DOK5: variants seen among roughly 807,000 people sequenced by gnomAD.
DOK5 encodes the protein docking protein 5.
Under a neutral mutation model 43.3 loss-of-function variants are expected in DOK5, and 27 were observed. The ratio of observed to expected loss-of-function variants is 0.62; its 90% CI spans 0.46 to 0.86. The LOEUF is 0.86. Among genes scored for constraint, DOK5 ranks in the 40% least tolerant of loss-of-function variants. The pLI is 0.00. For missense variants in DOK5, 373 were observed against 392.9 expected (o/e 0.95, Z 0.43); for synonymous variants, 146 against 140.1 (o/e 1.04, Z -0.30).
intron 6 of DOK5, among the ~76,000 whole-genome samples, chr20:54,629,496 A>T (rs1363113168): frequency 6.6e-6 from 1 of 152,228 alleles, no homozygotes; most frequent in South Asian, 2.1e-4. Context: ...ACTTTACCAG[A>T]TTCCTTTGAA....
chr20:54,575,161 A>G (rs1318603041), intron 2 of DOK5, among the ~76,000 whole-genome samples: 2 of 152,226 alleles, frequency 1.3e-5, no homozygotes, highest in African/African-American at 2.4e-5. Context: ...ACATTCTGCA[A>G]GAAAACTAAC....
At chr20:54,533,268 T>C (rs1983842614) in intron 1 of DOK5, among the ~76,000 whole-genome samples, 1 of 152,172 alleles carries the variant, frequency 6.6e-6, no homozygotes, top group Admixed American at 6.5e-5. Flanking sequence ...ACCAAAAGCT[T>C]CTCCAGACAT....
At chr20:54,608,329 A>G (rs1205862544) in intron 5 of DOK5, among the ~76,000 whole-genome samples, 1 of 152,206 alleles carries the variant, frequency 6.6e-6, no homozygotes, top group African/African-American at 2.4e-5. Flanking sequence ...TAAAGAATTG[A>G]TTAAGATTAC....
chr20:54,502,701 C>T (rs557110552), intron 1 of DOK5, among the ~76,000 whole-genome samples: 2 of 152,256 alleles, frequency 1.3e-5, no homozygotes, highest in South Asian at 2.1e-4. Flanking sequence ...CCATTATTCT[C>T]TAACTACCTT....
intron 1 of DOK5, among the ~76,000 whole-genome samples, chr20:54,486,979 C>T (rs1002636801): frequency 6.6e-6 from 1 of 152,042 alleles, no homozygotes; most frequent in African/African-American, 2.4e-5. Flanking sequence ...TTCTATCTTC[C>T]TCTTGCTGTT....
intron 6 of DOK5, among the ~76,000 whole-genome samples, chr20:54,632,749 T>C (rs1003130566): frequency 2.0e-5 from 3 of 152,176 alleles, no homozygotes; most frequent in African/African-American, 7.2e-5. Flanking sequence ...TCCTAAATCA[T>C]TAAGATCAAA....
At chr20:54,562,931 A>G (rs192068679) in intron 2 of DOK5, among the ~76,000 whole-genome samples, 42 of 152,274 alleles carry the variant, frequency 2.8e-4, no homozygotes, top group Non-Finnish European at 2.9e-5. Flanking sequence ...TGGAACTAGG[A>G]TCTTTGTAAT....
chr20:54,593,417 A>T (rs915211455), intron 5 of DOK5, among the ~76,000 whole-genome samples: 1 of 152,216 alleles, frequency 6.6e-6, no homozygotes, highest in Non-Finnish European at 1.5e-5. Context: ...ATTTTTAAGT[A>T]CCTAGAAACA....
chr20:54,577,232 T>C (rs1985482119), intron 2 of DOK5, among the ~76,000 whole-genome samples: 1 of 152,234 alleles, frequency 6.6e-6, no homozygotes, highest in Non-Finnish European at 1.5e-5. Context: ...AAGGATGTTA[T>C]ATCATCCAGA....
At chr20:54,626,200 G>A (rs1431747737) in intron 6 of DOK5, among the ~76,000 whole-genome samples, 1 of 152,174 alleles carries the variant, frequency 6.6e-6, no homozygotes, top group East Asian at 1.9e-4. Flanking sequence ...TACATGGATG[G>A]GATGAGGGAA....
chr20:54,493,087 G>A (rs1035433358), intron 1 of DOK5, among the ~76,000 whole-genome samples: 4 of 144,094 alleles, frequency 2.8e-5, no homozygotes, highest in African/African-American at 1.0e-4. Flanking sequence ...AAAAAGGGAT[G>A]TGTTTGTCCC....
chr20:54,599,763 GA>G (rs1395929739), intron 5 of DOK5, among the ~76,000 whole-genome samples: 4 of 152,156 alleles, frequency 2.6e-5, no homozygotes, highest in African/African-American at 9.7e-5. Flanking sequence ...TGGTGTTTTG[GA>G]ATTCTAGAAA....
chr20:54,546,967 G>A (rs1055442139), intron 1 of DOK5, among the ~76,000 whole-genome samples: 26 of 152,042 alleles, frequency 1.7e-4, no homozygotes, highest in Admixed American at 5.9e-4. Flanking sequence ...GGGGAGATGT[G>A]GAATGTATAG....
At chr20:54,481,013 T>TATCATCTATCTATCTATC (rs772199599) in intron 1 of DOK5, among the ~76,000 whole-genome samples, 2 of 123,486 alleles carry the variant, frequency 1.6e-5, no homozygotes, top group Non-Finnish European at 3.4e-5. Flanking sequence ...ATCTATCATC[T>TATCATCTATCTATCTATC]ATCTATCTAT....
chr20:54,579,358 T>TTGTGTGTGTGTGTGTGTGTG (rs151204252), intron 2 of DOK5, among the ~76,000 whole-genome samples: 3 of 150,732 alleles, frequency 2.0e-5, no homozygotes, highest in African/African-American at 7.3e-5. Flanking sequence ...GTGTGTGTGC[T>TTGTGTGTGTGTGTGTGTGTG]TGTGTGTGTG....
At chr20:54,568,233 C>G (rs1487925470) in intron 2 of DOK5, among the ~76,000 whole-genome samples, 1 of 152,220 alleles carries the variant, frequency 6.6e-6, no homozygotes, top group East Asian at 1.9e-4. Context: ...CCAAACTTTA[C>G]TTATGAAGTG....
At chr20:54,582,297 G>A (rs1790630005) in intron 2 of DOK5, among the ~76,000 whole-genome samples, 1 of 151,762 alleles carries the variant, frequency 6.6e-6, no homozygotes, top group Non-Finnish European at 1.5e-5. Flanking sequence ...ATATTCATCA[G>A]TGATATTGGC....
chr20:54,576,029 A>G (rs560827738), intron 2 of DOK5, among the ~76,000 whole-genome samples: 1 of 152,328 alleles, frequency 6.6e-6, no homozygotes, highest in Non-Finnish European at 1.5e-5. Context: ...GTTCCTGGAG[A>G]AACGATCAGA....
intron 5 of DOK5, among the ~76,000 whole-genome samples, chr20:54,610,087 G>T (rs1986594893): frequency 6.6e-6 from 1 of 152,128 alleles, no homozygotes; most frequent in African/African-American, 2.4e-5. Flanking sequence ...GGATAGGGAA[G>T]GTGAAGTATT....
Sources: gnomAD v4.1 joint callset for allele counts (sites outside exome capture counted in the v4.1 genomes callset) on GRCh38, gnomAD v4.1.1 for gene constraint, MANE v1.5 for transcripts, NCBI Gene and HGNC (gene_info 2026-07-23, HGNC 2026-07-21) for gene names.